BCAS3: variants seen among roughly 807,000 people sequenced by gnomAD.
BCAS3 encodes BCAS4/BCAS3 fusion.
In BCAS3, 53 loss-of-function variants were observed where a neutral mutation model predicts 116.1. The ratio of observed to expected loss-of-function variants is 0.46; its 90% CI spans 0.37 to 0.57. The LOEUF is 0.57. BCAS3 is among the 20% of genes least tolerant of loss of function. The pLI is 0.00. For synonymous variants in BCAS3, 391 were observed against 408.2 expected (o/e 0.96, Z 0.51); for missense variants, 917 against 1,165.4 (o/e 0.79, Z 3.10).
Position 61,097,425 on chromosome 17 carries a change from G to C in BCAS3, c.2425+12861G>C, listed in dbSNP as rs1236317231. ...GATCTCCTGACCTTGTGATCCGCCTGCCTCGGCCTCCCAAAGTGCTGGGAT... is the reference window on the plus strand; with the variant it reads ...GATCTCCTGACCTTGTGATCCGCCTCCCTCGGCCTCCCAAAGTGCTGGGAT... On this transcript the variant is annotated intron_variant, in intron 22 of 23. Transcript: ENST00000407086. This position sits in a 1 kb window ranked among gnomAD's most constrained non-coding sequence, Gnocchi z 4.0. Among the ~76,000 whole-genome samples, 2 of 152,140 alleles carry C rather than the reference G, an allele frequency of 1.3e-5. No individual in the cohort carries two copies. Among genetic ancestry groups the C allele is most frequent in the African/African-American group, 4.8e-5 (2 of 41,434 alleles).
In BCAS3 at chr17:61,062,170, G is replaced by A. The variant is rs557995492; in HGVS notation, c.2030-12750G>A. Among the ~76,000 whole-genome samples the A allele has an allele frequency of 2.0e-5, 3 of 152,118 alleles. No individual in the cohort carries two copies. The South Asian group carries it at 6.2e-4, about 32-fold the overall frequency. ...TATTCCACAACTTTTAATTAAATAT[G>A]AATTTTTATATCATGTTTATTTTAT... On this transcript the variant is annotated intron_variant, in intron 19 of 23. Transcript: ENST00000407086.
intron 7 of BCAS3, among the ~76,000 whole-genome samples, chr17:60,842,394 G>A (rs896608800): frequency 4.6e-5 from 7 of 151,824 alleles, no homozygotes; most frequent in African/African-American, 1.5e-4. Flanking sequence ...ACTACATAAC[G>A]TATCAAAAAA....
At position 60,990,217 on chromosome 17, in the gene BCAS3, T is replaced by A. The variant is rs1246761928; in HGVS notation, c.1468T>A (p.Ser490Thr). ...TGTTCCAGGTCTATCAAGCAGCCCT[T>A]CTGGGTCACCCTTGCATGGTAATTT... is the stretch of plus-strand genomic sequence containing the variant. ...SPVPGLSSSP[S>T]GSPLHGKLNS... The change falls in exon 15 of 24, where the codon TCT becomes ACT. Residue 490 changes from serine (S) to threonine (T), a missense_variant. Around this residue, in one of 3 missense-constraint regions of BCAS3, gnomAD observed 807 missense variants for 1,026.0 expected, o/e 0.79. Transcript: ENST00000407086. This position sits in a 1 kb window ranked among gnomAD's most constrained non-coding sequence, Gnocchi z 5.1. The A allele has an allele frequency of 6.2e-7, 1 of 1,614,046 alleles. No individual in the cohort carries two copies. Among genetic ancestry groups the A allele is most frequent in the South Asian group, 1.1e-5 (1 of 91,080 alleles).
rs2058095604 is a variant in BCAS3 at position 61,355,609 on chromosome 17, A to T, written c.2426-12718A>T. Reference sequence around the variant, plus strand: ...AGCAACAATCTTACTTCTCTCTGCCACAGTTCCTTGAACTGTACAAATTGG... The same window carrying T: ...AGCAACAATCTTACTTCTCTCTGCCTCAGTTCCTTGAACTGTACAAATTGG... On this transcript the variant is annotated intron_variant, in intron 22 of 23. Coordinates refer to ENST00000407086, the MANE Select transcript of BCAS3 (RefSeq NM_017679.5). This position sits in a 1 kb window ranked among gnomAD's most constrained non-coding sequence, Gnocchi z 4.2. Among the ~76,000 whole-genome samples, 1 of 152,232 alleles carries T rather than the reference A, an allele frequency of 6.6e-6. No homozygotes were observed. The highest frequency in any genetic ancestry group is 1.5e-5 in the Non-Finnish European group (1 of 68,040).
chr17:61,334,683 A>C (rs964071926), intron 22 of BCAS3, among the ~76,000 whole-genome samples: 13 of 151,294 alleles, frequency 8.6e-5, no homozygotes, highest in African/African-American at 2.0e-4. Context: ...AAAAAAAAAA[A>C]AAAAAACACC....
At chr17:61,308,466 GA>G (rs1169043857) in intron 22 of BCAS3, among the ~76,000 whole-genome samples, 1 of 151,064 alleles carries the variant, frequency 6.6e-6, no homozygotes, top group Admixed American at 6.6e-5. Context: ...ATATTTGGAG[GA>G]ATTTCTCTAA....
intron 7 of BCAS3, chr17:60,851,357 G>A: frequency 5.6e-6 from 2 of 356,646 alleles, no homozygotes; most frequent in Non-Finnish European, 1.1e-5. Context: ...GCAGGCACCT[G>A]GCACACGTCC....
intron 22 of BCAS3, among the ~76,000 whole-genome samples, chr17:61,242,527 C>T (rs553553868): frequency 2.0e-5 from 3 of 152,124 alleles, no homozygotes; most frequent in Admixed American, 6.5e-5. Context: ...TGACAAGACC[C>T]GCCTGTGATG....
At position 61,258,350 on chromosome 17, in the gene BCAS3, T is replaced by C. The variant is rs1349182117; in HGVS notation, c.2426-109977T>C. 6.6e-6 allele frequency among the ~76,000 whole-genome samples: 1 copy of C among 152,250 alleles called. No individual in the cohort carries two copies. The highest frequency in any genetic ancestry group is 1.5e-5 in the Non-Finnish European group (1 of 68,046). ...ACTTCGTGCCTTTAGATATCCACCA[T>C]AATGTGTAGCGTAGTTCCTAGGAGG... On this transcript the variant is annotated intron_variant, in intron 22 of 23. Transcript: ENST00000407086. The surrounding 1 kb of genome is among the most constrained non-coding windows in gnomAD (Gnocchi z 4.7).
intron 22 of BCAS3, among the ~76,000 whole-genome samples, chr17:61,127,193 C>G (rs2076090601): frequency 6.6e-6 from 1 of 152,130 alleles, no homozygotes; most frequent in African/African-American, 2.4e-5. Flanking sequence ...CTTTCTTGTA[C>G]ATTTAGTGAC....
chr17:60,802,069 A>G (rs1042838467), intron 6 of BCAS3, among the ~76,000 whole-genome samples: 2 of 151,996 alleles, frequency 1.3e-5, no homozygotes, highest in African/African-American at 4.8e-5. Context: ...GCACTTTGTG[A>G]GGCCAAGGCA....
At chr17:60,966,883 G>C (rs1323994462) in intron 14 of BCAS3, among the ~76,000 whole-genome samples, 2 of 151,976 alleles carry the variant, frequency 1.3e-5, no homozygotes, top group Non-Finnish European at 2.9e-5. Flanking sequence ...TTGATCTCCT[G>C]ACCTCAAATG....
chr17:61,043,690 C>T (rs1033299708), intron 19 of BCAS3, among the ~76,000 whole-genome samples: 1 of 151,970 alleles, frequency 6.6e-6, no homozygotes, highest in Non-Finnish European at 1.5e-5. Context: ...GCCCTGCAAT[C>T]GAATGGTGTC....
chr17:61,251,431 C>T lies in BCAS3; in HGVS notation c.2426-116896C>T, dbSNP rs2048359299. 6.6e-6 allele frequency among the ~76,000 whole-genome samples: 1 copy of T among 151,932 alleles called. No homozygotes were observed. The highest frequency in any genetic ancestry group is 1.5e-5 in the Non-Finnish European group (1 of 67,936). ...TAAAAATACAAAAAATTAGCCGGGC[C>T]TGGTGGCGGGCGCCTATAATCCCAA... On this transcript the variant is annotated intron_variant, in intron 22 of 23. Coordinates refer to ENST00000407086, the MANE Select transcript of BCAS3 (RefSeq NM_017679.5). The surrounding 1 kb of genome is among the most constrained non-coding windows in gnomAD (Gnocchi z 4.7).
At chr17:60,827,554 G>A (rs2050541712) in intron 7 of BCAS3, among the ~76,000 whole-genome samples, 1 of 152,072 alleles carries the variant, frequency 6.6e-6, no homozygotes, top group South Asian at 2.1e-4. Flanking sequence ...ACATGTGTGT[G>A]TATTTTTGTG....
rs1362654364 is a variant in BCAS3 at position 61,208,973 on chromosome 17, C to G, written c.2425+124409C>G. ...TCAGCAAAAGACACTCAGAATTATA[C>G]CTCTGGTTGGTTCAAAATTGCTTAA... On this transcript the variant is annotated intron_variant, in intron 22 of 23. Transcript: ENST00000407086. This position sits in a 1 kb window ranked among gnomAD's most constrained non-coding sequence, Gnocchi z 4.5. 6.6e-6 allele frequency among the ~76,000 whole-genome samples: 1 copy of G among 151,896 alleles called. No homozygotes were observed. Among genetic ancestry groups the G allele is most frequent in the Non-Finnish European group, 1.5e-5 (1 of 68,012 alleles).
intron 7 of BCAS3, among the ~76,000 whole-genome samples, chr17:60,829,246 G>A (rs560875099): frequency 7.0e-4 from 106 of 152,294 alleles, no homozygotes; most frequent in African/African-American, 2.2e-3. Context: ...TGTAATCCCA[G>A]CACTTTGGGA....
chr17:61,226,258 C>T lies in BCAS3; in HGVS notation c.2425+141694C>T, dbSNP rs1189022324. Reference sequence around the variant, plus strand: ...ATGCATTTTCACATTCTTGTTATGTCCAAAATTCTCTATAAAAAATTCAGG... The same window carrying T: ...ATGCATTTTCACATTCTTGTTATGTTCAAAATTCTCTATAAAAAATTCAGG... On this transcript the variant is annotated intron_variant, in intron 22 of 23. Transcript: ENST00000407086. The surrounding 1 kb of genome is among the most constrained non-coding windows in gnomAD (Gnocchi z 6.0). Among the ~76,000 whole-genome samples, 3 of 152,094 alleles carry T rather than the reference C, an allele frequency of 2.0e-5. No homozygotes were observed. The highest frequency in any genetic ancestry group is 4.4e-5 in the Non-Finnish European group (3 of 68,022).
At chr17:61,288,071 G>C (rs1013892146) in intron 22 of BCAS3, among the ~76,000 whole-genome samples, 2 of 152,204 alleles carry the variant, frequency 1.3e-5, no homozygotes, top group African/African-American at 4.8e-5. Context: ...CCTGGGCTCT[G>C]TTGCTGACTT....
Sources: gnomAD v4.1 joint callset for allele counts (sites outside exome capture counted in the v4.1 genomes callset) on GRCh38, gnomAD v4.1.1 for gene constraint, gnomAD v4.1.1 regional missense constraint, Gnocchi (gnomAD v3.1) non-coding constraint, MANE v1.5 for transcripts, NCBI Gene and HGNC (gene_info 2026-07-23, HGNC 2026-07-21) for gene names.